Variants in ADAR observed in about 807,000 individuals in gnomAD.
ADAR encodes the protein double-stranded RNA-specific adenosine deaminase.
In ADAR, 41 loss-of-function variants were observed where a neutral mutation model predicts 113.2. That is an observed-to-expected ratio of 0.36 (90% CI 0.28 to 0.47). ADAR has a LOEUF of 0.47. ADAR is among the 20% of genes least tolerant of loss of function. The pLI is 1.00. For missense variants in ADAR, 1,242 were observed against 1,540.9 expected, an observed-to-expected ratio of 0.81 and a Z score of 3.25; for synonymous variants, 605 against 572.6, an observed-to-expected ratio of 1.06 and a Z score of -0.81.
At chr1:154,596,716 TAC>T (rs1237142639) in intron 6 of ADAR, 87 bp downstream of exon 6, 48 of 1,507,508 alleles carry the variant, frequency 3.2e-5, no homozygotes, top group Non-Finnish European at 4.4e-5. Flanking sequence ...CCTTCTGTCC[TAC>T]ACAGCTAAAG....
intron 1 of ADAR, among the ~76,000 whole-genome samples, chr1:154,607,764 G>C (rs1698295728): frequency 6.9e-6 from 1 of 145,914 alleles, no homozygotes. Flanking sequence ...CTCACAAGAC[G>C]CACAAATTCC....
upstream of ADAR, among the ~76,000 whole-genome samples, chr1:154,609,277 C>G (rs1452269553): frequency 6.6e-6 from 1 of 152,214 alleles, no homozygotes; most frequent in East Asian, 1.9e-4. Flanking sequence ...CATGGTCAGG[C>G]TTCTCTAACT....
chr1:154,623,027 T>C (rs931954286), intron 1 of ADAR, among the ~76,000 whole-genome samples: 1 of 152,030 alleles, frequency 6.6e-6, no homozygotes, highest in Admixed American at 6.6e-5. Context: ...AGACAAATAA[T>C]ACTAGCTAAG....
chr1:154,586,375 A>C lies in ADAR; in HGVS notation c.3020-12T>G. 1.2e-6 allele frequency: 2 copies of C among 1,613,520 alleles called. No individual in the cohort carries two copies. The highest frequency in any genetic ancestry group is 1.7e-6 in the Non-Finnish European group (2 of 1,179,946). On this transcript the variant is annotated splice_polypyrimidine_tract_variant and intron_variant, in intron 11 of 14. Coordinates refer to ENST00000368474, the MANE Select transcript of ADAR (RefSeq NM_001111.5). ...GATTGTGCCTTCTCCTGTGTGAGAG[A>C]CTTGGGTCAGACCCACAGGCGCCAA...
rs1557868655 is a variant in ADAR, at chr1:154,588,622, A to G, written c.2814T>C (p.Ser938=). Residue 938 remains serine, a synonymous_variant, in exon 10 of 15, where the codon AGT becomes AGC. Coordinates refer to ENST00000368474, the MANE Select transcript of ADAR (RefSeq NM_001111.5). ...MKYNSQTAKD[S]IFEPAKGGEK... Reference sequence around the variant, plus strand: ...CTCCTCCCTTAGCAGGTTCAAATATACTATCCTTCGCAGTCTGGGAGTTGT... The same window carrying G: ...CTCCTCCCTTAGCAGGTTCAAATATGCTATCCTTCGCAGTCTGGGAGTTGT... The G allele has an allele frequency of 2.0e-5, 33 of 1,614,184 alleles. No individual in the cohort carries two copies. The highest frequency in any genetic ancestry group is 2.6e-5 in the Non-Finnish European group (31 of 1,179,982).
Position 154,598,510 on chromosome 1 carries a change from C to G in ADAR, c.1677G>C (p.Gln559His). The change falls in exon 3 of 15, where the codon CAG (glutamine) becomes CAC (histidine). Residue 559 changes from glutamine (Q) to histidine (H), a missense_variant. By Grantham distance (24) the Gln-to-His change is conservative. Around this residue, in one of 2 missense-constraint regions of ADAR, gnomAD observed 780 missense variants for 1,057.9 expected, o/e 0.74. Transcript: ENST00000368474. ...AEAGSKKVAK[Q>H]DAAMKAMTIL... ...TTGTCATGGCTTTCATAGCTGCATCCTGCTTGGCCACTTTCTTGCTTCCAG... is the reference window on the plus strand; with the variant it reads ...TTGTCATGGCTTTCATAGCTGCATCGTGCTTGGCCACTTTCTTGCTTCCAG... 1 of 1,614,194 alleles carries G rather than the reference C, an allele frequency of 6.2e-7. No homozygotes were observed. The highest frequency in any genetic ancestry group is 8.5e-7 in the Non-Finnish European group (1 of 1,180,026).
upstream of ADAR, among the ~76,000 whole-genome samples, chr1:154,609,208 A>G (rs938724484): frequency 6.6e-6 from 1 of 152,154 alleles, no homozygotes; most frequent in Admixed American, 6.5e-5. Context: ...TTCAAATTAC[A>G]CCATTACTTT....
At chr1:154,610,581 T>A (rs1026133836), upstream of ADAR, among the ~76,000 whole-genome samples, 2 of 151,738 alleles carry the variant, frequency 1.3e-5, no homozygotes, top group African/African-American at 4.8e-5. Flanking sequence ...GAGGCCGAGG[T>A]GGGCGGATCA....
intron 1 of ADAR, among the ~76,000 whole-genome samples, chr1:154,626,333 T>C (rs1365869721): frequency 3.3e-5 from 5 of 152,104 alleles, no homozygotes; most frequent in African/African-American, 1.2e-4. Flanking sequence ...CAGGCTGGTC[T>C]CGAACTCCTG....
At chr1:154,612,826 T>C (rs143177026), upstream of ADAR, among the ~76,000 whole-genome samples, 231 of 152,162 alleles carry the variant, frequency 1.5e-3, no homozygotes, top group African/African-American at 5.3e-3. Flanking sequence ...TTCTTTCTTT[T>C]TTTGAGATAG....
chr1:154,618,756 A>C (rs1698702991), intron 1 of ADAR, among the ~76,000 whole-genome samples: 1 of 152,226 alleles, frequency 6.6e-6, no homozygotes, highest in South Asian at 2.1e-4. Context: ...CCTTATATTA[A>C]TAAGCCAAAA....
rs982902878 is a variant in ADAR at position 154,601,667 on chromosome 1, G to T, written c.975C>A (p.Thr325=). 3 of 1,614,088 alleles carry T rather than the reference G, an allele frequency of 1.9e-6. No homozygotes were observed. Among genetic ancestry groups the T allele is most frequent in the Non-Finnish European group, 1.7e-6 (2 of 1,180,038 alleles). The change falls in exon 2 of 15, where the codon ACC becomes ACA. Residue 325 remains threonine (T), a synonymous_variant. Coordinates refer to ENST00000368474, the MANE Select transcript of ADAR (RefSeq NM_001111.5). The surrounding 1 kb of genome is among the most constrained non-coding windows in gnomAD (Gnocchi z 4.7). ...GCACAGCATTTATATCTCGGGCCTTGGTAAGGCCAATATTTTTAGCCAAAT... is the reference window on the plus strand; with the variant it reads ...GCACAGCATTTATATCTCGGGCCTTTGTAAGGCCAATATTTTTAGCCAAAT... ...ALNLAKNIGL[T]KARDINAVLI...
intron 1 of ADAR, 94 bp from the exon 2 acceptor site, chr1:154,602,720 T>C: frequency 6.7e-7 from 1 of 1,498,428 alleles, no homozygotes; most frequent in Non-Finnish European, 9.1e-7. Flanking sequence ...GAACAGCCCT[T>C]GAAGGGCTGA....
rs1395555701 is a variant in ADAR, at chr1:154,601,213, T to C, written c.1429A>G (p.Met477Val). ...TGACTGTAGAAGGAGGGCATCTCCATGATGGCTCGAAACTCACCTGGTGCT... is the reference window on the plus strand; with the variant it reads ...TGACTGTAGAAGGAGGGCATCTCCACGATGGCTCGAAACTCACCTGGTGCT... The part of the protein sequence containing the change: ...RAAPGEFRAI[M>V]EMPSFYSHGL... Residue 477 changes from methionine (M) to valine (V), a missense_variant, in exon 2 of 15, where the codon ATG (methionine) becomes GTG (valine). By Grantham distance (21) the Met-to-Val change is conservative. Coordinates refer to ENST00000368474, the MANE Select transcript of ADAR (RefSeq NM_001111.5). This position sits in a 1 kb window ranked among gnomAD's most constrained non-coding sequence, Gnocchi z 4.7. The C allele has an allele frequency of 2.5e-6, 4 of 1,614,222 alleles. No individual in the cohort carries two copies. Among genetic ancestry groups the C allele is most frequent in the South Asian group, 1.1e-5 (1 of 91,088 alleles).
chr1:154,619,860 C>T (rs1010057700), intron 1 of ADAR, among the ~76,000 whole-genome samples: 5 of 152,164 alleles, frequency 3.3e-5, no homozygotes, highest in South Asian at 2.1e-4. Context: ...TAAAATGGTA[C>T]GACTAACTAT....
rs1698819838 is a variant in ADAR at position 154,622,599 on chromosome 1, A to T, written c.-871+5256T>A. Among the ~76,000 whole-genome samples, 3 of 152,214 alleles carry T rather than the reference A, an allele frequency of 2.0e-5. No homozygotes were observed. The South Asian group carries it at 6.2e-4, about 32-fold the overall frequency. ...TCAAAGTTCAGAAAAGTTTGAGAGG[A>T]GTGAAACATCACACAGGGTAGAATT... On this transcript the variant is annotated intron_variant, in intron 1 of 14. Transcript: ENST00000368471.
At chr1:154,614,418 G>T (rs966977594) in intron 1 of ADAR, among the ~76,000 whole-genome samples, 1 of 152,196 alleles carries the variant, frequency 6.6e-6, no homozygotes, top group Non-Finnish European at 1.5e-5. Flanking sequence ...CTAGGATCCA[G>T]ATCCAGCCTG....
chr1:154,607,820 C>G (rs995283188), intron 1 of ADAR, among the ~76,000 whole-genome samples, 172 bp downstream of exon 1: 1 of 151,570 alleles, frequency 6.6e-6, no homozygotes, highest in African/African-American at 2.4e-5. Flanking sequence ...CCCACACACA[C>G]ACACTCACAA....
intron 1 of ADAR, 77 bp from the exon 2 acceptor site, chr1:154,602,703 G>A (rs1408630829): frequency 6.4e-7 from 1 of 1,567,026 alleles, no homozygotes; most frequent in African/African-American, 1.3e-5. Flanking sequence ...TCCCTTTGCT[G>A]CCTGTGGAAC....
Sources: gnomAD v4.1 joint callset for allele counts (sites outside exome capture counted in the v4.1 genomes callset) on GRCh38, gnomAD v4.1.1 for gene constraint, gnomAD v4.1.1 regional missense constraint, Gnocchi (gnomAD v3.1) non-coding constraint, MANE v1.5 for transcripts, NCBI Gene and HGNC (gene_info 2026-07-23, HGNC 2026-07-21) for gene names.